The following THSD4 variants were observed in gnomAD, a reference collection of about 807,000 sequenced individuals.
THSD4 encodes the protein thrombospondin type 1 domain containing 4.
In THSD4, 69 loss-of-function variants were observed where a neutral mutation model predicts 119.0. The observed-to-expected ratio is 0.58, with a 90% confidence interval of 0.48 to 0.71. The LOEUF (loss-of-function observed/expected upper bound fraction) is 0.71, where lower values mean the gene tolerates loss of function less well. Among genes scored for constraint, THSD4 ranks in the 30% least tolerant of loss-of-function variants. THSD4 has a pLI of 0.00. For synonymous variants in THSD4, 524 were observed against 540.4 expected, an observed-to-expected ratio of 0.97 and a Z score of 0.42; for missense variants, 1,393 against 1,391.1, an observed-to-expected ratio of 1.00 and a Z score of -0.02.
chr15:71,303,904 C>T (rs892268700), intron 6 of THSD4, among the ~76,000 whole-genome samples: 2 of 152,162 alleles, frequency 1.3e-5, no homozygotes, highest in African/African-American at 4.8e-5. Flanking sequence ...CACTTTGGGT[C>T]ACAAGGACCC....
chr15:71,334,754 A>G (rs2045470347), intron 6 of THSD4, among the ~76,000 whole-genome samples: 2 of 152,178 alleles, frequency 1.3e-5, no homozygotes, highest in Non-Finnish European at 2.9e-5. Context: ...CCTTAGCCTG[A>G]TATGTTTGTT....
intron 6 of THSD4, among the ~76,000 whole-genome samples, chr15:71,298,633 GGC>G (rs1268072935): frequency 7.6e-5 from 6 of 79,270 alleles, no homozygotes; most frequent in African/African-American, 2.9e-4. Context: ...TTTTTTTTGA[GGC>G]AGAGTCTTGC....
intron 1 of THSD4, among the ~76,000 whole-genome samples, chr15:71,123,618 G>A (rs2141355141): frequency 6.6e-6 from 1 of 152,298 alleles, no homozygotes; most frequent in African/African-American, 2.4e-5. Flanking sequence ...GCAGGTGAGA[G>A]GAAAATCACT....
intron 7 of THSD4, among the ~76,000 whole-genome samples, chr15:71,423,923 G>A (rs1376883285): frequency 6.6e-6 from 1 of 152,150 alleles, no homozygotes; most frequent in Non-Finnish European, 1.5e-5. Context: ...CAACAGCTGG[G>A]TTCTGCCTGG....
chr15:71,325,649 T>C (rs1371116698), intron 6 of THSD4, among the ~76,000 whole-genome samples: 1 of 152,224 alleles, frequency 6.6e-6, no homozygotes, highest in Non-Finnish European at 1.5e-5. Context: ...ATTTCCACAT[T>C]TGTGCAATGG....
At chr15:71,547,434 A>G in intron 7 of THSD4, 2 of 1,550,418 alleles carry the variant, frequency 1.3e-6, no homozygotes, top group African/African-American at 1.4e-5. Flanking sequence ...CCTGATATTA[A>G]CATTGCTCCA....
chr15:71,509,008 C>T (rs28451820), intron 7 of THSD4, among the ~76,000 whole-genome samples: 1 of 149,472 alleles, frequency 6.7e-6, no homozygotes, highest in Non-Finnish European at 1.5e-5. Flanking sequence ...CTTTGGATAC[C>T]GAGTTGTAGG....
At chr15:71,243,660 A>G (rs536996074) in intron 5 of THSD4, among the ~76,000 whole-genome samples, 2 of 152,154 alleles carry the variant, frequency 1.3e-5, no homozygotes, top group East Asian at 3.9e-4. Flanking sequence ...ACTCATGCAT[A>G]TATATACAGG....
At chr15:71,359,971 A>G (rs2045870494) in intron 6 of THSD4, among the ~76,000 whole-genome samples, 1 of 152,106 alleles carries the variant, frequency 6.6e-6, no homozygotes, top group Admixed American at 6.6e-5. Flanking sequence ...ATAACAGACC[A>G]CCCCAAAATT....
intron 3 of THSD4, among the ~76,000 whole-genome samples, chr15:71,171,297 G>A (rs2043360301): frequency 6.6e-6 from 1 of 152,050 alleles, no homozygotes; most frequent in African/African-American, 2.4e-5. Context: ...AGAAAAAATA[G>A]ACATATTACA....
chr15:71,572,894 G>C (rs751673172), intron 7 of THSD4, among the ~76,000 whole-genome samples: 4 of 152,142 alleles, frequency 2.6e-5, no homozygotes, highest in Non-Finnish European at 5.9e-5. Context: ...GGTTAGGTAT[G>C]TGCCAGGTCT....
intron 7 of THSD4, among the ~76,000 whole-genome samples, chr15:71,452,756 C>T (rs1423805659): frequency 6.6e-6 from 1 of 152,100 alleles, no homozygotes; most frequent in Admixed American, 6.5e-5. Flanking sequence ...GCTGGGATTA[C>T]AGGTGCCGCC....
At chr15:71,708,615 A>G (rs1422590779) in intron 8 of THSD4, among the ~76,000 whole-genome samples, 1 of 152,242 alleles carries the variant, frequency 6.6e-6, no homozygotes, top group African/African-American at 2.4e-5. Flanking sequence ...AGAATAAGGC[A>G]TCACATATAT....
chr15:71,407,442 A>G (rs1596408769), intron 6 of THSD4, among the ~76,000 whole-genome samples: 1 of 152,194 alleles, frequency 6.6e-6, no homozygotes, highest in East Asian at 1.9e-4. Context: ...TGAGTTTATT[A>G]CTTTTTAAAA....
intron 7 of THSD4, among the ~76,000 whole-genome samples, chr15:71,555,001 A>G (rs975082313): frequency 6.6e-6 from 1 of 152,158 alleles, no homozygotes; most frequent in African/African-American, 2.4e-5. Context: ...TCTCTCCTTG[A>G]AAGACAACCA....
At chr15:71,144,628 C>G (rs955851053) in intron 2 of THSD4, among the ~76,000 whole-genome samples, 2 of 152,170 alleles carry the variant, frequency 1.3e-5, no homozygotes, top group South Asian at 4.1e-4. Flanking sequence ...AAACCCCTCC[C>G]CATTTTTTGC....
intron 7 of THSD4, among the ~76,000 whole-genome samples, chr15:71,648,854 T>C (rs1165646951): frequency 6.6e-6 from 1 of 152,220 alleles, no homozygotes; most frequent in Non-Finnish European, 1.5e-5. Flanking sequence ...TCATGCCAGT[T>C]CTGAATTAGG....
At chr15:71,678,547 C>G (rs1481865303) in intron 8 of THSD4, among the ~76,000 whole-genome samples, 1 of 152,230 alleles carries the variant, frequency 6.6e-6, no homozygotes. Context: ...AAGCAGAACT[C>G]TAGGCACATT....
chr15:71,740,850 A>C (rs1287822263), intron 11 of THSD4, among the ~76,000 whole-genome samples: 1 of 152,210 alleles, frequency 6.6e-6, no homozygotes, highest in Non-Finnish European at 1.5e-5. Flanking sequence ...CCTCTTCTGC[A>C]AAGCCTTCCT....
Sources: gnomAD v4.1 joint callset for allele counts (sites outside exome capture counted in the v4.1 genomes callset) on GRCh38, gnomAD v4.1.1 for gene constraint, MANE v1.5 for transcripts, NCBI Gene and HGNC (gene_info 2026-07-23, HGNC 2026-07-21) for gene names.